The following TENM2 variants were observed in gnomAD, a reference collection of about 807,000 sequenced individuals.
TENM2 encodes teneurin transmembrane protein 2.
TENM2 carries 52 observed loss-of-function variants against 245.2 expected under a neutral mutation model. That is an observed-to-expected ratio of 0.21 (90% confidence interval 0.17 to 0.27). The LOEUF is 0.27. Ranked by LOEUF, TENM2 falls within the 10% of genes least tolerant of loss-of-function variation. The pLI, the probability that TENM2 is intolerant of heterozygous loss-of-function variation, is 1.00. For missense variants in TENM2, 3,046 were observed against 3,666.8 expected, an observed-to-expected ratio of 0.83 and a Z score of 4.37; for synonymous variants, 1,363 against 1,438.9, an observed-to-expected ratio of 0.95 and a Z score of 1.19.
At position 167,756,719 on chromosome 5, in the gene TENM2, G is replaced by A. The variant is rs536679473; in HGVS notation, c.503-119267G>A. On this transcript the variant is annotated intron_variant, in intron 2 of 28. Coordinates refer to ENST00000518659, the Ensembl canonical transcript of TENM2. ...AGTGTTCTCTCAAGAGTCTGCCAAT[G>A]AGAAACCTTGAGAACTAGGAGCACC... Among the ~76,000 whole-genome samples, 6 of 152,240 alleles carry A rather than the reference G, an allele frequency of 3.9e-5. No homozygotes were observed. In the East Asian group the frequency reaches 9.7e-4, roughly 25 times the overall value.
At chr5:168,151,157 T>C (rs1448853852) in intron 12 of TENM2, among the ~76,000 whole-genome samples, 1 of 152,222 alleles carries the variant, frequency 6.6e-6, no homozygotes, top group Non-Finnish European at 1.5e-5. Context: ...CCTGCGATCC[T>C]TGATAATGTC....
At chr5:167,826,024 T>C (rs1179322549) in intron 2 of TENM2, among the ~76,000 whole-genome samples, 1 of 152,122 alleles carries the variant, frequency 6.6e-6, no homozygotes, top group Non-Finnish European at 1.5e-5. Flanking sequence ...GTCGTGTACC[T>C]GTACCTTTCT....
At chr5:167,123,119 G>A in the TENM2 span, among the ~76,000 whole-genome samples, 2 of 144,188 alleles carry the variant, frequency 1.4e-5, no homozygotes, top group African/African-American at 5.2e-5. Flanking sequence ...ACAACATGGC[G>A]AAACCCCATC....
intron 2 of TENM2, among the ~76,000 whole-genome samples, chr5:167,812,018 C>T (rs762962249): frequency 6.6e-6 from 1 of 152,008 alleles, no homozygotes. Flanking sequence ...ATGGAAAGTT[C>T]CCTGCAAAAG....
At chr5:167,475,579 C>A (rs1767318789) in intron 2 of TENM2, among the ~76,000 whole-genome samples, 1 of 152,008 alleles carries the variant, frequency 6.6e-6, no homozygotes, top group Non-Finnish European at 1.5e-5. Context: ...CTGCACCTGT[C>A]AACCCATCAT....
At chr5:167,548,339 T>C (rs1195884434) in intron 2 of TENM2, among the ~76,000 whole-genome samples, 1 of 152,230 alleles carries the variant, frequency 6.6e-6, no homozygotes, top group Admixed American at 6.5e-5. Context: ...TTTCAGATCA[T>C]GTCCTTGACT....
chr5:167,417,344 G>T (rs1378710615), intron 2 of TENM2, among the ~76,000 whole-genome samples: 2 of 152,104 alleles, frequency 1.3e-5, no homozygotes, highest in Non-Finnish European at 2.9e-5. Context: ...GGAGTGCAGT[G>T]CTCCCCTCTT....
At chr5:167,558,215 A>C (rs566533079) in intron 2 of TENM2, among the ~76,000 whole-genome samples, 1 of 152,326 alleles carries the variant, frequency 6.6e-6, no homozygotes, top group Admixed American at 6.5e-5. Context: ...GGGGAAGCCC[A>C]TGAGGCTTGG....
intron 6 of TENM2, among the ~76,000 whole-genome samples, chr5:168,054,854 C>A (rs563899972): frequency 5.3e-5 from 8 of 152,278 alleles, no homozygotes; most frequent in Non-Finnish European, 8.8e-5. Flanking sequence ...AGAATGTTGC[C>A]TCTAAAAACC....
intron 3 of TENM2, among the ~76,000 whole-genome samples, chr5:167,946,623 G>A (rs911825278): frequency 6.6e-6 from 1 of 152,188 alleles, no homozygotes; most frequent in Non-Finnish European, 1.5e-5. Context: ...CCAGGGCAGG[G>A]GACCTGTTTC....
chr5:167,075,313 A>G, the TENM2 span, among the ~76,000 whole-genome samples: 1 of 152,062 alleles, frequency 6.6e-6, no homozygotes, highest in Non-Finnish European at 1.5e-5. Flanking sequence ...CCCAACAACC[A>G]TCCCTTATCT....
intron 2 of TENM2, among the ~76,000 whole-genome samples, chr5:167,428,436 A>G (rs1309970193): frequency 6.6e-6 from 1 of 152,244 alleles, no homozygotes; most frequent in Admixed American, 6.5e-5. Flanking sequence ...CAAATACGTT[A>G]CTAATCAGCA....
chr5:168,069,024 TA>T (rs765736062), intron 7 of TENM2, among the ~76,000 whole-genome samples: 2 of 151,620 alleles, frequency 1.3e-5, no homozygotes, highest in South Asian at 2.1e-4. Flanking sequence ...GCCTTAGATA[TA>T]AAAAAAGGGG....
chr5:167,520,972 A>G (rs1421260978), intron 2 of TENM2, among the ~76,000 whole-genome samples: 1 of 149,044 alleles, frequency 6.7e-6, no homozygotes, highest in East Asian at 2.0e-4. Context: ...TGTTTACCAC[A>G]AACTGCCTAT....
In TENM2 at chr5:167,633,939, T is replaced by C. The variant is rs570598334; in HGVS notation, c.503-242047T>C. On this transcript the variant is annotated intron_variant, in intron 2 of 28. Transcript: ENST00000518659. ...AACCCAAGAGAGAAATTTCCTTCTG[T>C]TATCAGGAATGGTTGGGCGTTTCCT... 2.0e-5 allele frequency among the ~76,000 whole-genome samples: 3 copies of C among 152,350 alleles called. No individual in the cohort carries two copies. The East Asian group carries it at 5.8e-4, about 29-fold the overall frequency.
chr5:167,926,782 C>T (rs554512343), intron 3 of TENM2, among the ~76,000 whole-genome samples: 3 of 149,800 alleles, frequency 2.0e-5, no homozygotes, highest in East Asian at 2.0e-4. Flanking sequence ...AGTGTCTTAG[C>T]GATGGGAGTT....
chr5:167,675,713 A>C (rs1282422074), intron 2 of TENM2, among the ~76,000 whole-genome samples: 1 of 152,078 alleles, frequency 6.6e-6, no homozygotes, highest in African/African-American at 2.4e-5. Context: ...CTATCAACAT[A>C]GTGGGAAAAA....
chr5:167,450,797 C>T (rs762626453), intron 2 of TENM2, among the ~76,000 whole-genome samples: 3 of 152,108 alleles, frequency 2.0e-5, no homozygotes, highest in East Asian at 3.9e-4. Context: ...GTTTTCATGA[C>T]TTTCACTCTG....
chr5:167,985,276 A>G (rs553231522), intron 4 of TENM2, among the ~76,000 whole-genome samples: 1 of 152,176 alleles, frequency 6.6e-6, no homozygotes, highest in South Asian at 2.1e-4. Context: ...CTTGTATGAT[A>G]GTCTGAATAT....
Sources: gnomAD v4.1 joint callset for allele counts (sites outside exome capture counted in the v4.1 genomes callset) on GRCh38, gnomAD v4.1.1 for gene constraint, MANE v1.5 for transcripts, NCBI Gene and HGNC (gene_info 2026-07-23, HGNC 2026-07-21) for gene names.